The following TXNDC11 variants were observed in gnomAD, a reference collection of about 807,000 sequenced individuals.
The protein encoded by TXNDC11 is thioredoxin domain-containing protein 11.
A neutral mutation model predicts 78.0 loss-of-function variants in TXNDC11; 68 were observed. The observed-to-expected ratio is 0.87, with a 90% confidence interval of 0.72 to 1.07. The LOEUF is 1.07. TXNDC11 is among the 50% of genes least tolerant of loss of function. TXNDC11 has a pLI of 0.00. For synonymous variants in TXNDC11, 571 were observed against 495.2 expected, an observed-to-expected ratio of 1.15 and a Z score of -2.03; for missense variants, 1,389 against 1,221.8, an observed-to-expected ratio of 1.14 and a Z score of -2.04.
Position 11,727,643 on chromosome 16 carries a change from C to T in TXNDC11, c.699+3002G>A, listed in dbSNP as rs2051921573. Among the ~76,000 whole-genome samples the T allele has an allele frequency of 3.9e-5, 6 of 152,090 alleles. No individual in the cohort carries two copies. In the South Asian group the frequency reaches 1.2e-3, roughly 32 times the overall value. On this transcript the variant is annotated intron_variant, in intron 4 of 11. Transcript: ENST00000283033. Reference sequence around the variant, plus strand: ...CTACTGATGACACTCTAACTCACCCCTAGCTATAATTTCCACCCGCCCCCC... The same window carrying T: ...CTACTGATGACACTCTAACTCACCCTTAGCTATAATTTCCACCCGCCCCCC...
At chr16:11,720,724 C>A (rs1009155409) in intron 5 of TXNDC11, among the ~76,000 whole-genome samples, 1 of 146,834 alleles carries the variant, frequency 6.8e-6, no homozygotes, top group Non-Finnish European at 1.5e-5. Context: ...ACATTCATAT[C>A]ATATATATAT....
chr16:11,742,701 G>A lies in TXNDC11; in HGVS notation c.30C>T (p.Gly10=), dbSNP rs1265958885. 2.7e-6 allele frequency: 4 copies of A among 1,472,436 alleles called. No homozygotes were observed. Among genetic ancestry groups the A allele is most frequent in the South Asian group, 1.3e-5 (1 of 75,708 alleles). The allele number at this position is 1,472,436 out of a possible 1,614,324, so 91.2% of individuals were successfully genotyped here. The change falls in exon 1 of 12, where the codon GGC becomes GGT. Residue 10 remains glycine (G), a synonymous_variant. Coordinates refer to ENST00000283033, the MANE Select transcript of TXNDC11 (RefSeq NM_015914.7). The part of the protein sequence containing the change: MSECGGRGG[G]SSSSEDAEDE... ...CCTCGGCGTCCTCGCTGCTGCTGCTGCCGCCGCCGCGGCCTCCGCATTCCG... is the reference window on the plus strand; with the variant it reads ...CCTCGGCGTCCTCGCTGCTGCTGCTACCGCCGCCGCGGCCTCCGCATTCCG...
chr16:11,724,871 G>A (rs1460138091), intron 4 of TXNDC11, among the ~76,000 whole-genome samples: 3 of 152,010 alleles, frequency 2.0e-5, no homozygotes, highest in African/African-American at 4.8e-5. Context: ...TCAGCCTCCC[G>A]AGTAGCTGGG....
chr16:11,711,765 A>G (rs776618046), intron 5 of TXNDC11, among the ~76,000 whole-genome samples: 1 of 152,178 alleles, frequency 6.6e-6, no homozygotes, highest in Admixed American at 6.5e-5. Context: ...CCTGCCTACC[A>G]CACTAACCCT....
chr16:11,696,438 A>C (rs2050861564), intron 7 of TXNDC11, among the ~76,000 whole-genome samples: 1 of 152,156 alleles, frequency 6.6e-6, no homozygotes, highest in African/African-American at 2.4e-5. Flanking sequence ...CACTCCCTGT[A>C]CTGGACAAGC....
Position 11,688,073 on chromosome 16 carries a change from G to A in TXNDC11, c.2044-107C>T, listed in dbSNP as rs1300063493. 3 of 984,360 alleles carry A rather than the reference G, an allele frequency of 3.0e-6. No individual in the cohort carries two copies. The African/African-American group carries it at 4.9e-5, about 16-fold the overall frequency. 61.0% of individuals were successfully genotyped at this position (984,360 alleles called of 1,614,324 possible). On this transcript the variant is annotated intron_variant, in intron 9 of 11. Transcript: ENST00000283033. ...CAAGCACCCGAAAAATGCTACCTAT[G>A]CAAATATTACAGTGAAAATTTTCAT...
At chr16:11,702,034 A>G (rs1181563278) in intron 5 of TXNDC11, among the ~76,000 whole-genome samples, 2 of 151,586 alleles carry the variant, frequency 1.3e-5, no homozygotes, top group East Asian at 3.9e-4. Context: ...AAAAAAAAAA[A>G]GAACTCACAC....
At chr16:11,721,435 T>C (rs1411154153) in intron 5 of TXNDC11, 142 bp downstream of exon 5, 1 of 473,278 alleles carries the variant, frequency 2.1e-6, no homozygotes, top group Non-Finnish European at 3.8e-6. Flanking sequence ...CGAGACTCCA[T>C]CTAAAAAAAA....
chr16:11,732,170 C>T (rs2052075697), intron 3 of TXNDC11, among the ~76,000 whole-genome samples: 1 of 152,186 alleles, frequency 6.6e-6, no homozygotes, highest in Admixed American at 6.5e-5. Context: ...TTCTAAAGTT[C>T]CTTTGAGGTC....
chr16:11,694,890 T>C (rs2050818966), intron 7 of TXNDC11, among the ~76,000 whole-genome samples: 1 of 152,274 alleles, frequency 6.6e-6, no homozygotes, highest in Non-Finnish European at 1.5e-5. Context: ...TGTCATTTAT[T>C]TCATGTGAAT....
intron 5 of TXNDC11, among the ~76,000 whole-genome samples, chr16:11,720,011 T>C (rs557992606): frequency 1.2e-4 from 18 of 152,256 alleles, no homozygotes; most frequent in African/African-American, 4.1e-4. Flanking sequence ...CAGTTATGTG[T>C]CCACTGGTCT....
intron 4 of TXNDC11, among the ~76,000 whole-genome samples, chr16:11,728,292 A>G (rs16958604): frequency 0.038 from 5,845 of 152,308 alleles, 390 homozygotes; most frequent in African/African-American, 0.13. Flanking sequence ...CACAAGTGTC[A>G]CGATGGGCTT....
intron 5 of TXNDC11, among the ~76,000 whole-genome samples, chr16:11,705,267 A>C (rs1170542252): frequency 6.6e-6 from 1 of 152,250 alleles, no homozygotes; most frequent in Non-Finnish European, 1.5e-5. Flanking sequence ...ACAATGGGGG[A>C]AACTGGCTAA....
chr16:11,720,029 G>C (rs937353929), intron 5 of TXNDC11, among the ~76,000 whole-genome samples: 2 of 152,162 alleles, frequency 1.3e-5, no homozygotes, highest in African/African-American at 2.4e-5. Context: ...TCTGGTCCAG[G>C]TGTGGGTGAA....
intron 5 of TXNDC11, among the ~76,000 whole-genome samples, chr16:11,721,084 T>C (rs1002152738): frequency 1.3e-5 from 2 of 151,916 alleles, no homozygotes; most frequent in African/African-American, 4.8e-5. Flanking sequence ...CGAGACTATA[T>C]GTGAAACAGA....
chr16:11,721,468 G>C, intron 5 of TXNDC11, 109 bp downstream of exon 5: 1 of 615,904 alleles, frequency 1.6e-6, no homozygotes, highest in Non-Finnish European at 2.8e-6. Context: ...AAAATACGTT[G>C]AGAAAAGGAA....
At chr16:11,735,607 A>C (rs569495612) in intron 2 of TXNDC11, among the ~76,000 whole-genome samples, 4 of 152,314 alleles carry the variant, frequency 2.6e-5, no homozygotes, top group Non-Finnish European at 4.4e-5. Flanking sequence ...TGCTGAATAT[A>C]GTTCTGGTCC....
Position 11,691,852 on chromosome 16 carries a change from G to A in TXNDC11, c.1338C>T (p.Val446=), listed in dbSNP as rs745342972. The A allele has an allele frequency of 1.2e-6, 2 of 1,614,264 alleles. No homozygotes were observed. Among genetic ancestry groups the A allele is most frequent in the South Asian group, 2.2e-5 (2 of 91,088 alleles). The change falls in exon 8 of 12, where the codon GTC becomes GTT. Residue 446 remains valine (V), a synonymous_variant. Transcript: ENST00000283033. ...SRTHNVCELC[V]NQTSGGMKPS... is the part of the protein sequence containing the mutation. ...GCTTCATGCCCCCGGAGGTCTGGTT[G>A]ACACAGAGTTCACAGACGTTGTGGG...
At chr16:11,742,298 G>A (rs1389209999) in intron 1 of TXNDC11, 179 bp downstream of exon 1, 1 of 479,910 alleles carries the variant, frequency 2.1e-6, no homozygotes, top group Non-Finnish European at 3.5e-6. Flanking sequence ...GTCCGCGGGC[G>A]GGCCGGGGCG....
Sources: gnomAD v4.1 joint callset for allele counts (sites outside exome capture counted in the v4.1 genomes callset) on GRCh38, gnomAD v4.1.1 for gene constraint, MANE v1.5 for transcripts, NCBI Gene and HGNC (gene_info 2026-07-23, HGNC 2026-07-21) for gene names.